ATG16L1: variants seen among roughly 807,000 people sequenced by gnomAD.
ATG16L1 encodes the protein autophagy related 16 like 1, also known as autophagy-related protein 16-1.
A neutral mutation model predicts 88.5 loss-of-function variants in ATG16L1; 37 were observed. That is an observed-to-expected ratio of 0.42 (90% CI 0.32 to 0.55). ATG16L1 has a LOEUF of 0.55. ATG16L1 is among the 20% of genes least tolerant of loss of function. The pLI is 0.13. For missense variants in ATG16L1, 554 were observed against 752.8 expected, an observed-to-expected ratio of 0.74 and a Z score of 3.09; for synonymous variants, 301 against 281.0, an observed-to-expected ratio of 1.07 and a Z score of -0.71.
At chr2:233,260,474 C>T (rs988536681) in intron 2 of ATG16L1, among the ~76,000 whole-genome samples, 2 of 152,214 alleles carry the variant, frequency 1.3e-5, no homozygotes, top group Non-Finnish European at 2.9e-5. Context: ...GAACCAGCAA[C>T]ATTCCCATCA....
intron 1 of ATG16L1, among the ~76,000 whole-genome samples, chr2:233,253,439 A>T (rs949431639): frequency 7.5e-6 from 1 of 133,734 alleles, no homozygotes; most frequent in East Asian, 2.3e-4. Flanking sequence ...TCCACCTCCC[A>T]GGTTCAAGAG....
intron 2 of ATG16L1, among the ~76,000 whole-genome samples, chr2:233,258,561 T>C (rs1696975913): frequency 6.6e-6 from 1 of 152,234 alleles, no homozygotes; most frequent in Non-Finnish European, 1.5e-5. Flanking sequence ...TTCACCATTT[T>C]CGTCTAAATT....
chr2:233,265,422 A>T lies in ATG16L1; in HGVS notation c.641+279A>T, dbSNP rs141961912. Reference sequence around the variant, plus strand: ...TAATGCACAAGAAGACTATAATCCAACCTTATATGAATATAGATGTGAAAT... The same window carrying T: ...TAATGCACAAGAAGACTATAATCCATCCTTATATGAATATAGATGTGAAAT... On this transcript the variant is annotated intron_variant, in intron 5 of 17. Transcript: ENST00000392017. Among the ~76,000 whole-genome samples the T allele has an allele frequency of 6.2e-3, 943 of 152,252 alleles. 10 individuals are homozygous for T. Among genetic ancestry groups the T allele is most frequent in the Non-Finnish European group, 8.0e-3 (545 of 68,022 alleles).
chr2:233,271,405 A>G (rs1180577218), intron 6 of ATG16L1, among the ~76,000 whole-genome samples: 3 of 152,308 alleles, frequency 2.0e-5, no homozygotes, highest in Middle Eastern at 3.4e-3. Flanking sequence ...CAGCCTCCCA[A>G]GTAGCTGGGA....
At chr2:233,273,665 T>G (rs1288019615) in intron 7 of ATG16L1, 56 bp from the exon 8 acceptor site, 1 of 1,549,270 alleles carries the variant, frequency 6.5e-7, no homozygotes, top group South Asian at 1.1e-5. Flanking sequence ...GTTTATTGAT[T>G]GATTATTTGG....
chr2:233,290,385 A>G (rs765326477), intron 14 of ATG16L1, 32 bp downstream of exon 14: 6 of 1,506,782 alleles, frequency 4.0e-6, no homozygotes, highest in East Asian at 2.3e-5. Context: ...CTGGAGGCAC[A>G]TAAGAGTCTC....
At chr2:233,252,063 G>C in intron 1 of ATG16L1, 121 bp downstream of exon 1, 1 of 773,876 alleles carries the variant, frequency 1.3e-6, no homozygotes, top group Non-Finnish European at 1.9e-6. Context: ...GGCCGCCCCG[G>C]GTAACCCGCG....
rs762334682 is a variant in ATG16L1 at position 233,290,305 on chromosome 2, G to A, written c.1382G>A (p.Cys461Tyr). 9.9e-6 allele frequency: 16 copies of A among 1,614,098 alleles called. No individual in the cohort carries two copies. Among genetic ancestry groups the A allele is most frequent in the Non-Finnish European group, 1.3e-5 (15 of 1,180,050 alleles). ...AATGATATTGTCTGCACAGAGCAAT[G>A]TGTAATGAGTGGACATTTTGACAAG... is the stretch of plus-strand genomic sequence containing the variant. ...SCNDIVCTEQCVMSGHFDKKI... is the reference protein window; with the variant it reads ...SCNDIVCTEQYVMSGHFDKKI... The change falls in exon 14 of 18, where the codon TGT becomes TAT. Residue 461 changes from cysteine (C) to tyrosine (Y), a missense_variant. This residue lies in a region of ATG16L1 where 370 missense variants were observed against 509.7 expected (regional missense o/e 0.73). Transcript: ENST00000392017.
chr2:233,264,525 G>A (rs1347370390), intron 4 of ATG16L1, among the ~76,000 whole-genome samples: 1 of 152,178 alleles, frequency 6.6e-6, no homozygotes, highest in Non-Finnish European at 1.5e-5. Context: ...GCGTGTGCTT[G>A]GGTTTCCTTA....
chr2:233,270,026 A>C lies in ATG16L1; in HGVS notation c.666A>C (p.Lys222Asn), dbSNP rs752300374. The C allele has an allele frequency of 6.3e-7, 1 of 1,584,658 alleles. No individual in the cohort carries two copies. The highest frequency in any genetic ancestry group is 2.3e-5 in the East Asian group (1 of 43,662). ...GGAGGCGGCAAGCCCGGCTGCAGAA[A>C]GAGCTTGCAGAAGCAGCAAAGGAAC... ...DSRRRQARLQKELAEAAKEPL... is the reference protein window; with the variant it reads ...DSRRRQARLQNELAEAAKEPL... Residue 222 changes from lysine to asparagine, a missense_variant, in exon 6 of 18, where the codon AAA becomes AAC. Transcript: ENST00000392017.
At chr2:233,289,079 C>T (rs1574902715) in intron 12 of ATG16L1, 3 of 353,980 alleles carry the variant, frequency 8.5e-6, no homozygotes, top group Admixed American at 3.7e-5. Flanking sequence ...GGCGCAACAT[C>T]GAGGCTTTAA....
intron 12 of ATG16L1, among the ~76,000 whole-genome samples, chr2:233,288,462 G>T (rs968278899): frequency 5.3e-5 from 8 of 151,966 alleles, no homozygotes; most frequent in African/African-American, 1.9e-4. Flanking sequence ...GAATTTTTTT[G>T]TAGAGATGAG....
chr2:233,270,724 G>A (rs775557484), intron 6 of ATG16L1, among the ~76,000 whole-genome samples: 3 of 152,176 alleles, frequency 2.0e-5, no homozygotes, highest in Non-Finnish European at 4.4e-5. Flanking sequence ...TGGAACAAAA[G>A]GAATCAAACT....
At chr2:233,255,879 T>C (rs1318111790) in intron 1 of ATG16L1, among the ~76,000 whole-genome samples, 1 of 152,230 alleles carries the variant, frequency 6.6e-6, no homozygotes, top group Admixed American at 6.5e-5. Context: ...TAGTGTGTTT[T>C]TCTTTTTTCC....
chr2:233,271,147 A>C (rs1193914368), intron 6 of ATG16L1, among the ~76,000 whole-genome samples: 1 of 152,244 alleles, frequency 6.6e-6, no homozygotes, highest in African/African-American at 2.4e-5. Context: ...ATAACAGCTT[A>C]TAAAAGTGTC....
intron 2 of ATG16L1, among the ~76,000 whole-genome samples, chr2:233,260,585 G>A (rs1164992642): frequency 1.3e-5 from 2 of 152,174 alleles, no homozygotes; most frequent in Admixed American, 6.5e-5. Flanking sequence ...ACATGCCCTC[G>A]GAGTGATTGT....
intron 6 of ATG16L1, among the ~76,000 whole-genome samples, chr2:233,271,232 G>A (rs752677181): frequency 6.6e-6 from 1 of 152,196 alleles, no homozygotes; most frequent in Non-Finnish European, 1.5e-5. Flanking sequence ...GGAAGGGGCC[G>A]AGGTAGGATG....
At chr2:233,272,054 A>G (rs191849942) in intron 6 of ATG16L1, among the ~76,000 whole-genome samples, 1 of 152,370 alleles carries the variant, frequency 6.6e-6, no homozygotes, top group African/African-American at 2.4e-5. Context: ...ATAATTATTT[A>G]TTGAAAAGGA....
intron 5 of ATG16L1, among the ~76,000 whole-genome samples, chr2:233,265,629 C>G (rs559393880): frequency 6.6e-6 from 1 of 152,128 alleles, no homozygotes; most frequent in Non-Finnish European, 1.5e-5. Context: ...ACCACCACGC[C>G]TGGCTAATTT....
Sources: gnomAD v4.1 joint callset for allele counts (sites outside exome capture counted in the v4.1 genomes callset) on GRCh38, gnomAD v4.1.1 for gene constraint, gnomAD v4.1.1 regional missense constraint, MANE v1.5 for transcripts, NCBI Gene and HGNC (gene_info 2026-07-23, HGNC 2026-07-21) for gene names.